The following CHSY3 variants were observed in gnomAD, a reference collection of about 807,000 sequenced individuals.
CHSY3 encodes N-acetylgalactosaminyl-proteoglycan 3-beta-glucuronosyltransferase 3.
Under a neutral mutation model 67.2 loss-of-function variants are expected in CHSY3, and 35 were observed. The observed-to-expected ratio is 0.52, with a 90% CI of 0.40 to 0.69. The LOEUF (loss-of-function observed/expected upper bound fraction) is 0.69. Ranked by LOEUF, CHSY3 falls within the 30% of genes least tolerant of loss-of-function variation. The pLI, the probability that CHSY3 is intolerant of heterozygous loss-of-function variation, is 0.00. For synonymous variants in CHSY3, 474 were observed against 434.7 expected, an observed-to-expected ratio of 1.09 and a Z score of -1.12; for missense variants, 1,069 against 1,138.5, an observed-to-expected ratio of 0.94 and a Z score of 0.88.
chr5:130,058,872 C>T (rs1289746173), intron 2 of CHSY3, among the ~76,000 whole-genome samples: 1 of 152,172 alleles, frequency 6.6e-6, no homozygotes, highest in East Asian at 1.9e-4. Flanking sequence ...ATCATTCTGG[C>T]TGTTGCCAGA....
At chr5:129,984,133 GTAA>G (rs1285000499) in intron 2 of CHSY3, among the ~76,000 whole-genome samples, 1 of 151,998 alleles carries the variant, frequency 6.6e-6, no homozygotes, top group Admixed American at 6.6e-5. Context: ...CATTACCCAG[GTAA>G]TAAGCATAGT....
intron 2 of CHSY3, among the ~76,000 whole-genome samples, chr5:130,048,883 C>T (rs773920488): frequency 2.0e-5 from 3 of 151,848 alleles, no homozygotes; most frequent in Non-Finnish European, 2.9e-5. Flanking sequence ...TTCAGTTAGA[C>T]AGGAAGAATG....
chr5:130,122,944 A>G (rs1358320950), intron 2 of CHSY3, among the ~76,000 whole-genome samples: 2 of 152,196 alleles, frequency 1.3e-5, no homozygotes, highest in East Asian at 3.9e-4. Context: ...AATTGACCAT[A>G]TGGCAAAGTT....
At position 130,185,707 on chromosome 5, in the gene CHSY3, A is replaced by G. The variant is rs766589463; in HGVS notation, c.2565A>G (p.Ala855=). 1 of 1,613,838 alleles carries G rather than the reference A, an allele frequency of 6.2e-7. No homozygotes were observed. The highest frequency in any genetic ancestry group is 2.2e-5 in the East Asian group (1 of 44,860). ...ATAAGATGTGCTTAGGATCCAAGGC[A>G]AGTACTTTCGCCTCAACCATGCAAC... is the stretch of plus-strand genomic sequence containing the variant. The part of the protein sequence containing the change: ...KQYKMCLGSK[A]STFASTMQLA... Residue 855 remains alanine (A), a synonymous_variant, in exon 3 of 3, where the codon GCA becomes GCG. Coordinates refer to ENST00000305031, the MANE Select transcript of CHSY3 (RefSeq NM_175856.5).
At chr5:130,110,366 C>T (rs1767553856) in intron 2 of CHSY3, among the ~76,000 whole-genome samples, 1 of 151,964 alleles carries the variant, frequency 6.6e-6, no homozygotes, top group African/African-American at 2.4e-5. Context: ...ATATTCCCAC[C>T]TGATTTTCTT....
chr5:130,006,365 AAAG>A (rs1763873869), intron 2 of CHSY3, among the ~76,000 whole-genome samples: 1 of 152,176 alleles, frequency 6.6e-6, no homozygotes, highest in South Asian at 2.1e-4. Context: ...GTGTCAGGCT[AAAG>A]TGTTTGTATT....
At chr5:130,090,330 G>A (rs988814322) in intron 2 of CHSY3, among the ~76,000 whole-genome samples, 1 of 152,096 alleles carries the variant, frequency 6.6e-6, no homozygotes, top group Non-Finnish European at 1.5e-5. Flanking sequence ...CCCTTTACTG[G>A]AGTCTTCCAA....
intron 2 of CHSY3, among the ~76,000 whole-genome samples, chr5:129,974,387 A>C (rs1385877574): frequency 6.6e-6 from 1 of 152,160 alleles, no homozygotes; most frequent in African/African-American, 2.4e-5. Context: ...TCAGAAGAAC[A>C]GTAATTCCAA....
chr5:130,146,597 C>T (rs972897211), intron 2 of CHSY3, among the ~76,000 whole-genome samples: 3 of 151,938 alleles, frequency 2.0e-5, no homozygotes, highest in African/African-American at 7.3e-5. Flanking sequence ...TATGAAATAT[C>T]AGAAGATAGG....
At chr5:130,003,983 A>AT in intron 2 of CHSY3, among the ~76,000 whole-genome samples, 1 of 152,134 alleles carries the variant, frequency 6.6e-6, no homozygotes, top group Non-Finnish European at 1.5e-5. Context: ...CAGGATATGC[A>AT]TTTTTTGGTT....
intron 2 of CHSY3, among the ~76,000 whole-genome samples, chr5:129,949,125 G>T (rs1048655957): frequency 6.6e-6 from 1 of 152,104 alleles, no homozygotes; most frequent in Non-Finnish European, 1.5e-5. Flanking sequence ...TAACACTGGT[G>T]CTCCCAAATT....
intron 2 of CHSY3, among the ~76,000 whole-genome samples, chr5:130,155,479 T>TC (rs1468288164): frequency 6.6e-6 from 1 of 152,210 alleles, no homozygotes; most frequent in Non-Finnish European, 1.5e-5. Flanking sequence ...AATGCAACCT[T>TC]CCACTTCAAA....
intron 2 of CHSY3, among the ~76,000 whole-genome samples, chr5:130,166,144 C>T (rs1288469896): frequency 8.6e-5 from 13 of 152,030 alleles, no homozygotes; most frequent in African/African-American, 2.9e-4. Flanking sequence ...AGTTTTATTC[C>T]TCAAATCTCA....
chr5:129,909,323 T>C (rs974058132), intron 2 of CHSY3, among the ~76,000 whole-genome samples: 3 of 152,136 alleles, frequency 2.0e-5, no homozygotes, highest in African/African-American at 7.2e-5. Flanking sequence ...TCTTAACTCC[T>C]TTGCTTATGT....
chr5:130,118,720 T>C (rs1278706574), intron 2 of CHSY3, among the ~76,000 whole-genome samples: 2 of 152,128 alleles, frequency 1.3e-5, no homozygotes, highest in Non-Finnish European at 2.9e-5. Context: ...TTTCTTTTAA[T>C]GGAGGTGAAA....
intron 2 of CHSY3, among the ~76,000 whole-genome samples, chr5:130,143,784 G>GTATATA (rs71000950): frequency 0.028 from 2,065 of 73,788 alleles, 70 homozygotes; most frequent in East Asian, 0.041. Context: ...ATATATATGT[G>GTATATA]TATATATATA....
At chr5:130,017,577 A>G (rs1187247207) in intron 2 of CHSY3, among the ~76,000 whole-genome samples, 1 of 152,148 alleles carries the variant, frequency 6.6e-6, no homozygotes, top group African/African-American at 2.4e-5. Context: ...TTTCTTCAAT[A>G]TGAAAATTTG....
chr5:130,093,247 T>C (rs1766938573), intron 2 of CHSY3, among the ~76,000 whole-genome samples: 1 of 152,152 alleles, frequency 6.6e-6, no homozygotes, highest in African/African-American at 2.4e-5. Flanking sequence ...CCACAGACTA[T>C]AAGAGAATTA....
intron 2 of CHSY3, among the ~76,000 whole-genome samples, chr5:130,086,609 A>T (rs1766638744): frequency 6.6e-6 from 1 of 152,144 alleles, no homozygotes; most frequent in African/African-American, 2.4e-5. Context: ...ATAAACTAGA[A>T]AATCTAGAAG....
Sources: gnomAD v4.1 joint callset for allele counts (sites outside exome capture counted in the v4.1 genomes callset) on GRCh38, gnomAD v4.1.1 for gene constraint, MANE v1.5 for transcripts, NCBI Gene and HGNC (gene_info 2026-07-23, HGNC 2026-07-21) for gene names.